NEXMIF: variants seen among roughly 807,000 people sequenced by gnomAD.
The protein encoded by NEXMIF is neurite extension and migration factor.
Under a neutral mutation model 62.1 loss-of-function variants are expected in NEXMIF, and 8 were observed. That is an observed-to-expected ratio of 0.13 (90% confidence interval 0.08 to 0.23). The LOEUF is 0.23. NEXMIF is among the 10% of genes least tolerant of loss of function. The probability of loss-of-function intolerance (pLI) is 1.00; values close to 1 mark genes in which losing one functional copy is unlikely to be tolerated. For synonymous variants in NEXMIF, 404 were observed against 416.6 expected, an observed-to-expected ratio of 0.97 and a Z score of 0.37; for missense variants, 976 against 1,113.3, an observed-to-expected ratio of 0.88 and a Z score of 1.75.
intron 1 of NEXMIF, among the ~76,000 whole-genome samples, chrX:74,794,396 A>G (rs764823472): frequency 9.3e-6 from 1 of 107,662 alleles, no homozygotes; most frequent in South Asian, 4.3e-4. Context: ...AGACAGGGAC[A>G]TTTAAGTCTG....
At chrX:74,778,897 G>A (rs2080236811) in intron 1 of NEXMIF, among the ~76,000 whole-genome samples, 1 of 111,708 alleles carries the variant, frequency 9.0e-6, no homozygotes, top group Non-Finnish European at 1.9e-5. Context: ...AAAGTGCTGG[G>A]ATTACAGGCA....
chrX:74,734,662 G>A lies in NEXMIF; in HGVS notation c.*4743C>T, dbSNP rs1569333488. The A allele has an allele frequency of 8.9e-6, 1 of 111,793 alleles. No homozygotes were observed. Among genetic ancestry groups the A allele is most frequent in the African/African-American group, 3.3e-5 (1 of 30,687 alleles). 9.2% of individuals were successfully genotyped at this position (111,793 alleles called of 1,213,427 possible). A position where few individuals can be genotyped will look rare whatever the true frequency, so the allele number is the denominator to read the frequency against. On this transcript the variant is annotated 3_prime_UTR_variant, in exon 4 of 4. Transcript: ENST00000055682. ...ATTTACCCAGATACTGATTTTGAAA[G>A]CCTCATTCACACCATAAACTTTGTT... is the stretch of plus-strand genomic sequence containing the variant.
chrX:74,853,966 G>T (rs1299286677), intron 1 of NEXMIF, among the ~76,000 whole-genome samples: 1 of 111,669 alleles, frequency 9.0e-6, no homozygotes, highest in East Asian at 2.8e-4. Flanking sequence ...AAAAGCCCAG[G>T]ACCAGATGGC....
chrX:74,856,307 T>C lies in NEXMIF; in HGVS notation c.-48+68576A>G, dbSNP rs181294977. The stretch of plus-strand genomic sequence containing the variant: ...TGAAAAATTCACTAGAAGAGCAAGA[T>C]GACTGCACATTTCAGCAGGTAGAAG... On this transcript the variant is annotated intron_variant, in intron 1 of 3. Transcript: ENST00000055682. Among the ~76,000 whole-genome samples, 389 of 111,897 alleles carry C rather than the reference T, an allele frequency of 3.5e-3. 2 individuals carry two copies. Among genetic ancestry groups the C allele is most frequent in the African/African-American group, 0.012 (370 of 30,790 alleles).
rs1362175878 is a variant in NEXMIF, at chrX:74,743,523, C to A, written c.1034G>T (p.Cys345Phe). ...FNFFPSVFTT[C>F]PKRESKSGAL... ...CCCACTCTTAGACTCTCGCTTGGGG[C>A]AGGTAGTAAAGACGCTGGGAAAAAA... The change falls in exon 3 of 4, where the codon TGC becomes TTC. Residue 345 changes from cysteine to phenylalanine, a missense_variant. By Grantham distance (205) the Cys-to-Phe change is radical. This residue lies in a region of NEXMIF where 639 missense variants were observed against 694.5 expected (regional missense o/e 0.92). Coordinates refer to ENST00000055682, the MANE Select transcript of NEXMIF (RefSeq NM_001008537.3). The A allele has an allele frequency of 1.7e-6, 2 of 1,211,394 alleles. No homozygotes were observed. The highest frequency in any genetic ancestry group is 4.4e-5 in the Admixed American group (2 of 45,973).
In NEXMIF at chrX:74,843,933, G is replaced by T. The variant is rs758457463; in HGVS notation, c.-48+80950C>A. On this transcript the variant is annotated intron_variant, in intron 1 of 3. Coordinates refer to ENST00000055682, the MANE Select transcript of NEXMIF (RefSeq NM_001008537.3). ...TTAGCCAGTAGCAGCCTTTCCTTTC[G>T]ATATTTAGTGCTTCTTTCAAGATCT... 5.4e-5 allele frequency among the ~76,000 whole-genome samples: 6 copies of T among 111,879 alleles called. No individual in the cohort carries two copies. The East Asian group carries it at 1.7e-3, about 31-fold the overall frequency.
intron 1 of NEXMIF, among the ~76,000 whole-genome samples, chrX:74,823,556 G>A (rs1205978134): frequency 9.0e-6 from 1 of 111,300 alleles, no homozygotes; most frequent in Non-Finnish European, 1.9e-5. Context: ...AATTTTGATT[G>A]TAGTACCGTT....
At chrX:74,744,913 C>CT (rs2080121060) in intron 2 of NEXMIF, among the ~76,000 whole-genome samples, 4 of 79,246 alleles carry the variant, frequency 5.0e-5, no homozygotes, top group South Asian at 9.1e-4. Context: ...CTCTCTCTCT[C>CT]TCTCTCTTCT....
chrX:74,745,734 T>C, intron 1 of NEXMIF, 37 bp from the exon 2 acceptor site: 1 of 614,285 alleles, frequency 1.6e-6, no homozygotes, highest in Non-Finnish European at 2.7e-6. Flanking sequence ...GTCATTAAAT[T>C]TGTTTTATTT....
At chrX:74,834,225 GTT>G (rs962348447) in intron 1 of NEXMIF, among the ~76,000 whole-genome samples, 27 of 109,737 alleles carry the variant, frequency 2.5e-4, no homozygotes, top group Non-Finnish European at 4.0e-4. Context: ...ACTTTTTGTT[GTT>G]TCTCTTTGTG....
chrX:74,796,209 T>TATATATACAGATATAATA (rs1491129454), intron 1 of NEXMIF, among the ~76,000 whole-genome samples: 1 of 46,615 alleles, frequency 2.1e-5, no homozygotes, highest in Non-Finnish European at 3.9e-5. Context: ...TACATATATA[T>TATATATACAGATATAATA]TATATATATA....
chrX:74,796,177 A>ATTATT, intron 1 of NEXMIF, among the ~76,000 whole-genome samples: 1 of 73,522 alleles, frequency 1.4e-5, no homozygotes, highest in Non-Finnish European at 2.4e-5. Flanking sequence ...TATATTATAT[A>ATTATT]TATACATATA....
intron 1 of NEXMIF, among the ~76,000 whole-genome samples, chrX:74,857,322 T>A (rs1053188293): frequency 3.6e-5 from 4 of 112,093 alleles, no homozygotes; most frequent in African/African-American, 1.3e-4. Context: ...GGCTCCCTGC[T>A]CAGCCAAAGC....
chrX:74,834,745 A>G (rs1041004528), intron 1 of NEXMIF, among the ~76,000 whole-genome samples: 1 of 110,946 alleles, frequency 9.0e-6, no homozygotes, highest in African/African-American at 3.3e-5. Flanking sequence ...TTTATCCTTG[A>G]CCTTTAGGAG....
chrX:74,832,629 C>T (rs932426552), intron 1 of NEXMIF, among the ~76,000 whole-genome samples: 2 of 111,746 alleles, frequency 1.8e-5, no homozygotes, highest in Non-Finnish European at 3.8e-5. Flanking sequence ...TTTATCTTTG[C>T]TCCGATCATT....
chrX:74,806,654 C>T (rs1046023977), intron 1 of NEXMIF, among the ~76,000 whole-genome samples: 1 of 111,906 alleles, frequency 8.9e-6, no homozygotes, highest in African/African-American at 3.2e-5. Context: ...CCCAAGATCA[C>T]GTAGATTTTC....
chrX:74,849,924 G>A (rs1427512193), intron 1 of NEXMIF, among the ~76,000 whole-genome samples: 3 of 111,749 alleles, frequency 2.7e-5, no homozygotes, highest in South Asian at 7.6e-4. Flanking sequence ...AACCTTGCAC[G>A]CTCCAACAGT....
chrX:74,881,392 G>GCACACACACA (rs367805528), intron 1 of NEXMIF, among the ~76,000 whole-genome samples: 5,186 of 88,461 alleles, frequency 0.059, 172 homozygotes, highest in African/African-American at 0.12. Flanking sequence ...ACATACACAT[G>GCACACACACA]CACACACACA....
At chrX:74,833,875 C>T (rs1023896192) in intron 1 of NEXMIF, among the ~76,000 whole-genome samples, 6 of 110,637 alleles carry the variant, frequency 5.4e-5, no homozygotes, top group Non-Finnish European at 1.1e-4. Context: ...AGGCTGGGTG[C>T]GGTGGCTCAT....
Sources: gnomAD v4.1 joint callset for allele counts (sites outside exome capture counted in the v4.1 genomes callset) on GRCh38, gnomAD v4.1.1 for gene constraint, gnomAD v4.1.1 regional missense constraint, MANE v1.5 for transcripts, NCBI Gene and HGNC (gene_info 2026-07-23, HGNC 2026-07-21) for gene names.